PEX14: variants seen among roughly 807,000 people sequenced by gnomAD.
The protein encoded by PEX14 is peroxisomal membrane protein PEX14.
A neutral mutation model predicts 49.5 loss-of-function variants in PEX14; 15 were observed. That is an observed-to-expected ratio of 0.30 (90% CI 0.20 to 0.47). The LOEUF is 0.47. PEX14 is among the 20% of genes least tolerant of loss of function. PEX14 has a pLI of 1.00. For synonymous variants in PEX14, 210 were observed against 212.7 expected, an observed-to-expected ratio of 0.99 and a Z score of 0.11; for missense variants, 398 against 494.8, an observed-to-expected ratio of 0.80 and a Z score of 1.86.
chr1:10,572,781 TCTC>T (rs1467216964), intron 3 of PEX14, among the ~76,000 whole-genome samples: 1 of 152,034 alleles, frequency 6.6e-6, no homozygotes, highest in Non-Finnish European at 1.5e-5. Flanking sequence ...CGTGATCCGC[TCTC>T]CTCAGCCTCC....
Position 10,629,452 on chromosome 1 carries a change from G to A in PEX14, c.678-79G>A, listed in dbSNP as rs1641844446. On this transcript the variant is annotated intron_variant, in intron 8 of 8. Coordinates refer to ENST00000356607, the MANE Select transcript of PEX14 (RefSeq NM_004565.3). The surrounding 1 kb of genome is among the most constrained non-coding windows in gnomAD (Gnocchi z 8.5). ...CAGCTCACCATCGCCGAGCCCTTGC[G>A]GGTCAGGGAAGGCGTGGCCCTTCGA... is the stretch of plus-strand genomic sequence containing the variant. The A allele has an allele frequency of 1.1e-5, 11 of 971,754 alleles. No homozygotes were observed. Among genetic ancestry groups the A allele is most frequent in the Middle Eastern group, 4.2e-4 (2 of 4,800 alleles). 60.2% of individuals were successfully genotyped at this position (971,754 alleles called of 1,614,324 possible).
At chr1:10,627,561 C>T (rs112379165) in intron 8 of PEX14, among the ~76,000 whole-genome samples, 198 bp downstream of exon 8, 24 of 152,126 alleles carry the variant, frequency 1.6e-4, no homozygotes, top group African/African-American at 5.1e-4. Context: ...CCAGAGGTGA[C>T]GGTCTGTGGC....
intron 5 of PEX14, among the ~76,000 whole-genome samples, chr1:10,619,447 G>T (rs1641529111): frequency 6.6e-6 from 1 of 151,776 alleles, no homozygotes; most frequent in African/African-American, 2.4e-5. Flanking sequence ...TTCCTGAGTA[G>T]CTGGGATTAT....
At chr1:10,562,293 A>G (rs1639673237) in intron 3 of PEX14, among the ~76,000 whole-genome samples, 1 of 152,202 alleles carries the variant, frequency 6.6e-6, no homozygotes, top group African/African-American at 2.4e-5. Context: ...TAACTATACA[A>G]TTCTATGATC....
intron 3 of PEX14, among the ~76,000 whole-genome samples, chr1:10,566,778 A>G (rs1258281016): frequency 6.6e-6 from 1 of 152,000 alleles, no homozygotes; most frequent in Non-Finnish European, 1.5e-5. Context: ...CGGCCTCCCA[A>G]AGTGCTGGGA....
chr1:10,574,138 A>T (rs72641427), intron 3 of PEX14, among the ~76,000 whole-genome samples: 23,005 of 152,222 alleles, frequency 0.15, 2,136 homozygotes, highest in South Asian at 0.31. Context: ...CCTGGGGGGA[A>T]GTGTCCCATC....
intron 4 of PEX14, among the ~76,000 whole-genome samples, chr1:10,610,558 T>C (rs1641252809): frequency 6.6e-6 from 1 of 152,022 alleles, no homozygotes; most frequent in Admixed American, 6.6e-5. Context: ...CTTGGCTCAC[T>C]GTAACCTCTG....
Position 10,475,011 on chromosome 1 carries a change from A to C in PEX14, c.36+9A>C. 6.2e-7 allele frequency: 1 copy of C among 1,608,340 alleles called. No individual in the cohort carries two copies. The highest frequency in any genetic ancestry group is 8.5e-7 in the Non-Finnish European group (1 of 1,177,518). ...CAGAGCAGCCGAGCCAGGTAAGGGGAGTGGGACTGCCCCGCTGTGCGGCGG... is the reference window on the plus strand; with the variant it reads ...CAGAGCAGCCGAGCCAGGTAAGGGGCGTGGGACTGCCCCGCTGTGCGGCGG... On this transcript the variant is annotated intron_variant, in intron 1 of 8. Transcript: ENST00000356607.
rs755705743 is a variant in PEX14 at position 10,495,281 on chromosome 1, C to G, written c.44C>G (p.Ser15Cys). 3 of 1,613,886 alleles carry G rather than the reference C, an allele frequency of 1.9e-6. No individual in the cohort carries two copies. The highest frequency in any genetic ancestry group is 2.7e-5 in the African/African-American group (2 of 74,910). The change falls in exon 2 of 9, where the codon TCT becomes TGT. Residue 15 changes from serine (S) to cysteine (C), a missense_variant. Physicochemically the swap from Ser to Cys is moderately radical, Grantham distance 112. Transcript: ENST00000356607. This position sits in a 1 kb window ranked among gnomAD's most constrained non-coding sequence, Gnocchi z 4.2. ...EQAEQPSQPSSTPGSENVLPR... is the reference protein window; with the variant it reads ...EQAEQPSQPSCTPGSENVLPR... ...TTCCATTTTTCTCTGCAGCCAAGCT[C>G]TACTCCAGGAAGTGAAAATGTGCTG...
At position 10,529,799 on chromosome 1, in the gene PEX14, A is replaced by C. The variant is rs540450876; in HGVS notation, c.85-6414A>C. Among the ~76,000 whole-genome samples the C allele has an allele frequency of 6.6e-6, 1 of 152,314 alleles. No individual in the cohort carries two copies. The highest frequency in any genetic ancestry group is 1.5e-5 in the Non-Finnish European group (1 of 68,018). On this transcript the variant is annotated intron_variant, in intron 2 of 8. Transcript: ENST00000356607. This position sits in a 1 kb window ranked among gnomAD's most constrained non-coding sequence, Gnocchi z 4.2. ...TGTGCACTTCTACCAGCGGAATTTTATTTCTTTAATGTGAAAAACAAAAGG... is the reference window on the plus strand; with the variant it reads ...TGTGCACTTCTACCAGCGGAATTTTCTTTCTTTAATGTGAAAAACAAAAGG...
At chr1:10,571,538 G>C (rs1301272532) in intron 3 of PEX14, among the ~76,000 whole-genome samples, 2 of 152,178 alleles carry the variant, frequency 1.3e-5, no homozygotes, top group Non-Finnish European at 2.9e-5. Flanking sequence ...GCCGGGCACA[G>C]TGCCTCATGC....
chr1:10,544,355 A>G (rs368588808), intron 3 of PEX14, among the ~76,000 whole-genome samples: 1 of 152,196 alleles, frequency 6.6e-6, no homozygotes, highest in South Asian at 2.1e-4. Context: ...ACTAGAATCT[A>G]TGTCTTCTGA....
chr1:10,546,620 A>C lies in PEX14; in HGVS notation c.169+10323A>C, dbSNP rs377289182. Among the ~76,000 whole-genome samples, 30 of 146,124 alleles carry C rather than the reference A, an allele frequency of 2.1e-4. No individual in the cohort carries two copies. In the South Asian group the frequency reaches 6.6e-3, roughly 32 times the overall value. On this transcript the variant is annotated intron_variant, in intron 3 of 8. Transcript: ENST00000356607. ...GGTGGCTCACGCCTATAATCCCAGC[A>C]CTTTGGGAGGCCAAGGTGGGCAGAT...
rs553074619 is a variant in PEX14, at chr1:10,478,691, G to A, written c.36+3689G>A. On this transcript the variant is annotated intron_variant, in intron 1 of 8. Transcript: ENST00000356607. Reference sequence around the variant, plus strand: ...CCGCCCAGGCTCAGGCAATCCTTTCGTCTCAGCCTCCTGAGTAACCGGGAC... The same window carrying A: ...CCGCCCAGGCTCAGGCAATCCTTTCATCTCAGCCTCCTGAGTAACCGGGAC... Among the ~76,000 whole-genome samples, 11 of 151,836 alleles carry A rather than the reference G, an allele frequency of 7.2e-5. No individual in the cohort carries two copies. The South Asian group carries it at 1.2e-3, about 17-fold the overall frequency.
At chr1:10,518,596 C>T (rs747829412) in intron 2 of PEX14, among the ~76,000 whole-genome samples, 2 of 152,220 alleles carry the variant, frequency 1.3e-5, no homozygotes, top group Non-Finnish European at 2.9e-5. Flanking sequence ...CCAAGACTCT[C>T]ACTTGGTGCA....
At chr1:10,507,583 A>G (rs981318490) in intron 2 of PEX14, among the ~76,000 whole-genome samples, 1 of 152,168 alleles carries the variant, frequency 6.6e-6, no homozygotes, top group Non-Finnish European at 1.5e-5. Flanking sequence ...TGTGATGTCT[A>G]TATAGCAAGG....
chr1:10,563,342 G>C (rs1282744089), intron 3 of PEX14, among the ~76,000 whole-genome samples: 1 of 150,214 alleles, frequency 6.7e-6, no homozygotes, highest in African/African-American at 2.4e-5. Flanking sequence ...GCTCACGCCT[G>C]TAATCCCAGC....
intron 2 of PEX14, among the ~76,000 whole-genome samples, chr1:10,521,229 A>C (rs1638285683): frequency 6.8e-6 from 1 of 147,504 alleles, no homozygotes; most frequent in Non-Finnish European, 1.5e-5. Context: ...ACTTTCTCCC[A>C]TTCCTTTTCT....
At chr1:10,626,322 C>T (rs1260188379) in intron 7 of PEX14, among the ~76,000 whole-genome samples, 2 of 152,138 alleles carry the variant, frequency 1.3e-5, no homozygotes, top group African/African-American at 4.8e-5. Flanking sequence ...GCCGTGGCTC[C>T]TGGGTCCTCC....
Sources: gnomAD v4.1 joint callset for allele counts (sites outside exome capture counted in the v4.1 genomes callset) on GRCh38, gnomAD v4.1.1 for gene constraint, Gnocchi (gnomAD v3.1) non-coding constraint, MANE v1.5 for transcripts, NCBI Gene and HGNC (gene_info 2026-07-23, HGNC 2026-07-21) for gene names.